Variants in MACROD2 observed in about 807,000 individuals in gnomAD.
MACROD2 encodes the protein ADP-ribose glycohydrolase MACROD2.
In MACROD2, 36 loss-of-function variants were observed where a neutral mutation model predicts 70.4. The ratio of observed to expected loss-of-function variants is 0.51; its 90% CI spans 0.39 to 0.68. The LOEUF is 0.68. Ranked by LOEUF, MACROD2 falls within the 30% of genes least tolerant of loss-of-function variation. The probability of loss-of-function intolerance (pLI) is 0.00; values close to 1 mark genes in which losing one functional copy is unlikely to be tolerated. For missense variants in MACROD2, 496 were observed against 538.4 expected (o/e 0.92, Z 0.78); for synonymous variants, 172 against 178.8 (o/e 0.96, Z 0.30).
At chr20:14,152,291 G>C (rs1260196016) in intron 3 of MACROD2, among the ~76,000 whole-genome samples, 1 of 152,136 alleles carries the variant, frequency 6.6e-6, no homozygotes, top group Non-Finnish European at 1.5e-5. Context: ...CTATTAAGCA[G>C]AATTTATCAT....
intron 8 of MACROD2, among the ~76,000 whole-genome samples, chr20:15,557,079 G>A (rs1163805917): frequency 6.6e-6 from 1 of 152,104 alleles, no homozygotes; most frequent in East Asian, 1.9e-4. Flanking sequence ...GGAATTGGCA[G>A]CAACATAAAA....
At chr20:14,820,149 G>A (rs1242261638) in intron 5 of MACROD2, among the ~76,000 whole-genome samples, 2 of 152,040 alleles carry the variant, frequency 1.3e-5, no homozygotes, top group African/African-American at 2.4e-5. Context: ...CAATAGCATT[G>A]TCTGTGCTTT....
intron 5 of MACROD2, among the ~76,000 whole-genome samples, chr20:15,035,228 T>A (rs1339351256): frequency 6.6e-6 from 1 of 151,918 alleles, no homozygotes; most frequent in Non-Finnish European, 1.5e-5. Flanking sequence ...TCCCCATGTC[T>A]ACAAAAAGTA....
chr20:15,199,007 CTT>C (rs11477634), intron 5 of MACROD2, among the ~76,000 whole-genome samples: 10,500 of 118,628 alleles, frequency 0.089, 211 homozygotes, highest in Middle Eastern at 0.12. Context: ...ATCTGGACTT[CTT>C]TTTTTTTTTT....
intron 4 of MACROD2, among the ~76,000 whole-genome samples, chr20:14,544,239 T>C (rs1394227734): frequency 6.6e-6 from 1 of 152,084 alleles, no homozygotes; most frequent in African/African-American, 2.4e-5. Context: ...TTCTTTTTTT[T>C]TTTTTTAGAA....
At chr20:15,144,568 C>A (rs1033105654) in intron 5 of MACROD2, among the ~76,000 whole-genome samples, 1 of 152,178 alleles carries the variant, frequency 6.6e-6, no homozygotes, top group Admixed American at 6.6e-5. Flanking sequence ...ATACTTTCCC[C>A]ATCAACATTA....
At chr20:14,820,181 T>C (rs1184760534) in intron 5 of MACROD2, among the ~76,000 whole-genome samples, 3 of 151,878 alleles carry the variant, frequency 2.0e-5, no homozygotes, top group Non-Finnish European at 4.4e-5. Context: ...AAAGGGTAAA[T>C]GTTAGTGAAA....
intron 5 of MACROD2, among the ~76,000 whole-genome samples, chr20:14,824,302 T>C (rs1220142022): frequency 6.6e-6 from 1 of 152,070 alleles, no homozygotes; most frequent in African/African-American, 2.4e-5. Context: ...TGGGAGTTGG[T>C]CATCAGTAGC....
chr20:14,070,373 G>A (rs2053822062), intron 2 of MACROD2, among the ~76,000 whole-genome samples: 1 of 151,994 alleles, frequency 6.6e-6, no homozygotes, highest in Admixed American at 6.6e-5. Flanking sequence ...GATAGGAGAT[G>A]GAGGTGTGGA....
At chr20:15,381,416 C>T (rs2045642786) in intron 6 of MACROD2, among the ~76,000 whole-genome samples, 1 of 151,564 alleles carries the variant, frequency 6.6e-6, no homozygotes, top group Admixed American at 6.6e-5. Context: ...CTTTAAAAAT[C>T]TAGGCCAGGC....
intron 8 of MACROD2, among the ~76,000 whole-genome samples, chr20:15,669,755 A>C (rs2049953320): frequency 1.3e-5 from 2 of 152,206 alleles, no homozygotes; most frequent in African/African-American, 4.8e-5. Flanking sequence ...TCCTAAATAA[A>C]AATTTCCCCA....
intron 12 of MACROD2, among the ~76,000 whole-genome samples, chr20:15,941,421 G>T (rs1366709339): frequency 6.6e-6 from 1 of 151,970 alleles, no homozygotes; most frequent in East Asian, 1.9e-4. Context: ...TATCAGTTCA[G>T]AGCTTAGACC....
intron 4 of MACROD2, among the ~76,000 whole-genome samples, chr20:14,629,963 C>T (rs867710105): frequency 2.7e-5 from 4 of 145,894 alleles, no homozygotes; most frequent in African/African-American, 9.8e-5. Flanking sequence ...GTCTATCTAT[C>T]TATCTATCTA....
At chr20:14,885,825 GT>G (rs1396307516) in intron 5 of MACROD2, among the ~76,000 whole-genome samples, 1 of 152,142 alleles carries the variant, frequency 6.6e-6, no homozygotes, top group African/African-American at 2.4e-5. Flanking sequence ...TAGATTTCAA[GT>G]TAGTTTTCAA....
intron 5 of MACROD2, among the ~76,000 whole-genome samples, chr20:14,804,493 T>C (rs1408582781): frequency 1.3e-5 from 2 of 151,994 alleles, no homozygotes; most frequent in African/African-American, 4.8e-5. Context: ...AATCCAGAAT[T>C]TGTCTCATTT....
At chr20:15,993,451 A>G (rs1044194507) in intron 15 of MACROD2, among the ~76,000 whole-genome samples, 3 of 152,122 alleles carry the variant, frequency 2.0e-5, no homozygotes, top group African/African-American at 7.2e-5. Flanking sequence ...GCACAGTAAC[A>G]TGCTGTATGG....
rs1408327808 is a variant in MACROD2, at chr20:13,995,791, G to T, written c.28G>T (p.Val10Leu). 1 of 1,605,450 alleles carries T rather than the reference G, an allele frequency of 6.2e-7. No homozygotes were observed. ...GTACCCCAGCAACAAGAAGAAAAAG[G>T]TGTGGAGAGAGGAGAAAGGTAACCG... MYPSNKKKK[V>L]WREEKERLLK... The change falls in exon 1 of 18, where the codon GTG becomes TTG. Residue 10 changes from valine to leucine, a missense_variant. By Grantham distance (32) the Val-to-Leu change is conservative (BLOSUM62 1). Coordinates refer to ENST00000684519, the MANE Select transcript of MACROD2 (RefSeq NM_001351661.2). The surrounding 1 kb of genome is among the most constrained non-coding windows in gnomAD (Gnocchi z 4.3).
At chr20:15,286,290 T>C (rs2077490656) in intron 6 of MACROD2, among the ~76,000 whole-genome samples, 1 of 152,162 alleles carries the variant, frequency 6.6e-6, no homozygotes, top group African/African-American at 2.4e-5. Flanking sequence ...GGGTATAGAA[T>C]GAAATTACCA....
intron 5 of MACROD2, among the ~76,000 whole-genome samples, chr20:15,177,540 A>G (rs1383323998): frequency 6.6e-6 from 1 of 152,172 alleles, no homozygotes; most frequent in African/African-American, 2.4e-5. Flanking sequence ...TTGAATCTGA[A>G]TTTATTTTCA....
Sources: allele counts gnomAD v4.1 joint callset (sites outside exome capture counted in the v4.1 genomes callset), GRCh38; gene constraint gnomAD v4.1.1; non-coding constraint Gnocchi (gnomAD v3.1); transcripts MANE v1.5; gene names NCBI Gene and HGNC (gene_info 2026-07-23, HGNC 2026-07-21).